USP7: variants seen among roughly 807,000 people sequenced by gnomAD.
The protein encoded by USP7 is ubiquitin specific peptidase 7.
USP7 carries 9 observed loss-of-function variants against 162.9 expected under a neutral mutation model. That is an observed-to-expected ratio of 0.06 (90% CI 0.03 to 0.10). The LOEUF (loss-of-function observed/expected upper bound fraction) is 0.10. Among genes scored for constraint, USP7 ranks in the 10% least tolerant of loss-of-function variants. The pLI, the probability that USP7 is intolerant of heterozygous loss-of-function variation, is 1.00. For synonymous variants in USP7, 562 were observed against 475.9 expected (o/e 1.18, Z -2.35); for missense variants, 715 against 1,373.7 (o/e 0.52, Z 7.58).
intron 1 of USP7, among the ~76,000 whole-genome samples, chr16:8,933,390 A>AT (rs1484389072): frequency 1.3e-5 from 2 of 152,208 alleles, no homozygotes; most frequent in African/African-American, 4.8e-5. Context: ...TCTATTAAAA[A>AT]CAAAAAAATT....
In USP7 at chr16:8,961,355, G is replaced by C. The variant is rs144065481; in HGVS notation, c.79+1852C>G. Among the ~76,000 whole-genome samples the C allele has an allele frequency of 3.7e-3, 559 of 152,106 alleles. 4 individuals carry two copies. The highest frequency in any genetic ancestry group is 0.013 in the African/African-American group (530 of 41,490). ...CAAAAATACAAAAGTAGCCAGGCGTGGTTGCACATGGCTGTAATCCCAGCT... is the reference window on the plus strand; with the variant it reads ...CAAAAATACAAAAGTAGCCAGGCGTCGTTGCACATGGCTGTAATCCCAGCT... On this transcript the variant is annotated intron_variant, in intron 1 of 30. Coordinates refer to ENST00000344836, the MANE Select transcript of USP7 (RefSeq NM_003470.3).
chr16:8,918,909 G>T, intron 6 of USP7, 122 bp downstream of exon 6: 2 of 910,140 alleles, frequency 2.2e-6, no homozygotes, highest in Non-Finnish European at 3.5e-6. Context: ...TGAACTAGCA[G>T]CCATCTGAGG....
intron 2 of USP7, chr16:8,929,494 G>A: frequency 4.4e-6 from 2 of 456,068 alleles, no homozygotes; most frequent in South Asian, 3.1e-5. Flanking sequence ...CAGTCCTTCT[G>A]GTGGTGCAGC....
intron 30 of USP7, among the ~76,000 whole-genome samples, chr16:8,894,315 A>G (rs960024662): frequency 2.0e-5 from 3 of 152,130 alleles, no homozygotes; most frequent in East Asian, 1.9e-4. Context: ...CTGAGTCTCA[A>G]TCACCCTGCA....
intron 11 of USP7, among the ~76,000 whole-genome samples, chr16:8,909,126 C>T (rs1596364822): frequency 2.0e-5 from 3 of 152,232 alleles, no homozygotes; most frequent in Admixed American, 6.5e-5. Flanking sequence ...ATGGGGACAC[C>T]GGACTCTAAG....
chr16:8,894,735 G>A (rs367885959), intron 29 of USP7, 49 bp downstream of exon 29: 28 of 1,613,824 alleles, frequency 1.7e-5, no homozygotes, highest in Non-Finnish European at 2.2e-5. Context: ...CGCTAGGCAA[G>A]GCTTGAGCCT....
At chr16:8,935,440 A>G (rs1898648687) in intron 1 of USP7, among the ~76,000 whole-genome samples, 1 of 152,144 alleles carries the variant, frequency 6.6e-6, no homozygotes, top group Non-Finnish European at 1.5e-5. Flanking sequence ...CGAACTCCTG[A>G]CCTCAGGTGA....
chr16:8,959,393 C>T (rs946510578), intron 1 of USP7, among the ~76,000 whole-genome samples: 2 of 150,766 alleles, frequency 1.3e-5, no homozygotes, highest in African/African-American at 4.9e-5. Context: ...CCTATATTTA[C>T]TAGTATCGAT....
At chr16:8,904,617 T>C (rs1034815897) in intron 14 of USP7, 52 bp from the exon 15 acceptor site, 7 of 1,598,682 alleles carry the variant, frequency 4.4e-6, no homozygotes, top group Non-Finnish European at 6.0e-6. Flanking sequence ...TTTCCCCTCT[T>C]AGAAGCTCCC....
At chr16:8,962,391 C>T (rs1359361405) in intron 1 of USP7, 5 of 306,474 alleles carry the variant, frequency 1.6e-5, no homozygotes, top group South Asian at 2.4e-5. Context: ...AGCGTCTTCA[C>T]ATCCAACCTT....
At chr16:8,911,505 A>G (rs957960240) in intron 10 of USP7, among the ~76,000 whole-genome samples, 4 of 152,240 alleles carry the variant, frequency 2.6e-5, no homozygotes, top group Non-Finnish European at 5.9e-5. Context: ...TGCTCCGGTC[A>G]TGAAGGAAAA....
chr16:8,895,164 C>A lies in USP7; in HGVS notation c.2920-14G>T. ...CAAAGGGATTTCCTGGGGACACGGA[C>A]AACAGACACAGTTCTGTAAGTGCAA... On this transcript the variant is annotated splice_polypyrimidine_tract_variant and intron_variant, in intron 27 of 30. Coordinates refer to ENST00000344836, the MANE Select transcript of USP7 (RefSeq NM_003470.3). 1.9e-6 allele frequency: 3 copies of A among 1,614,166 alleles called. 1 individual carries two copies. The highest frequency in any genetic ancestry group is 4.5e-5 in the East Asian group (2 of 44,892).
intron 1 of USP7, among the ~76,000 whole-genome samples, chr16:8,939,114 C>T (rs1898913892): frequency 6.6e-6 from 1 of 152,204 alleles, no homozygotes; most frequent in Non-Finnish European, 1.5e-5. Flanking sequence ...AAGATTTCTC[C>T]ACATTTACAT....
At chr16:8,916,890 C>A (rs147458661) in intron 7 of USP7, 136 bp downstream of exon 7, 2 of 1,013,092 alleles carry the variant, frequency 2.0e-6, no homozygotes, top group African/African-American at 1.7e-5. Flanking sequence ...AGCACTGACA[C>A]GATTAAATGC....
chr16:8,910,975 G>A (rs1279368882), intron 10 of USP7, 148 bp from the exon 11 acceptor site: 6 of 672,308 alleles, frequency 8.9e-6, no homozygotes, highest in East Asian at 8.1e-5. Context: ...AGCCAAGACT[G>A]TAGGTAAATG....
At chr16:8,930,473 C>G in intron 1 of USP7, 76 bp from the exon 2 acceptor site, 1 of 1,020,274 alleles carries the variant, frequency 9.8e-7, no homozygotes, top group Non-Finnish European at 1.4e-6. Flanking sequence ...TAAACTTATA[C>G]TTTTGATGTT....
intron 11 of USP7, among the ~76,000 whole-genome samples, chr16:8,909,521 G>A (rs1354461790): frequency 2.6e-5 from 4 of 152,212 alleles, no homozygotes; most frequent in Non-Finnish European, 4.4e-5. Flanking sequence ...TGTCCACTGA[G>A]GCTTCGACTC....
At chr16:8,901,538 G>A (rs2061774415) in intron 18 of USP7, among the ~76,000 whole-genome samples, 1 of 152,220 alleles carries the variant, frequency 6.6e-6, no homozygotes, top group Non-Finnish European at 1.5e-5. Flanking sequence ...TGGACTGACT[G>A]GCTGGAAGAG....
intron 1 of USP7, among the ~76,000 whole-genome samples, chr16:8,940,105 A>G (rs1203411345): frequency 6.6e-6 from 1 of 152,218 alleles, no homozygotes; most frequent in Non-Finnish European, 1.5e-5. Flanking sequence ...CTCCAAAAAA[A>G]AAAGGCTGTT....
Sources: gnomAD v4.1 joint callset for allele counts (sites outside exome capture counted in the v4.1 genomes callset) on GRCh38, gnomAD v4.1.1 for gene constraint, MANE v1.5 for transcripts, NCBI Gene and HGNC (gene_info 2026-07-23, HGNC 2026-07-21) for gene names.